CHD9: variants seen among roughly 807,000 people sequenced by gnomAD.
CHD9 encodes the protein chromodomain helicase DNA binding protein 9, also known as ATP-dependent chromatin remodeler CHD9.
Under a neutral mutation model 316.1 loss-of-function variants are expected in CHD9, and 77 were observed. That is an observed-to-expected ratio of 0.24 (90% CI 0.20 to 0.29). CHD9 has a LOEUF of 0.29. Among genes scored for constraint, CHD9 ranks in the 10% least tolerant of loss-of-function variants. The pLI is 1.00. For synonymous variants in CHD9, 1,129 were observed against 1,158.3 expected, an observed-to-expected ratio of 0.97 and a Z score of 0.51; for missense variants, 2,763 against 3,438.1, an observed-to-expected ratio of 0.80 and a Z score of 4.91.
At chr16:53,163,553 T>G (rs2042070405) in intron 2 of CHD9, among the ~76,000 whole-genome samples, 1 of 152,192 alleles carries the variant, frequency 6.6e-6, no homozygotes, top group Non-Finnish European at 1.5e-5. Context: ...ATCATATAGT[T>G]CACACTTTCT....
chr16:53,135,334 C>T (rs927953334), intron 1 of CHD9, among the ~76,000 whole-genome samples: 7 of 152,032 alleles, frequency 4.6e-5, no homozygotes, highest in African/African-American at 9.7e-5. Context: ...AGAAGTGATA[C>T]GCTTTAATCT....
intron 2 of CHD9, among the ~76,000 whole-genome samples, chr16:53,194,396 G>A (rs927009954): frequency 5.9e-5 from 9 of 151,990 alleles, no homozygotes; most frequent in Non-Finnish European, 1.0e-4. Flanking sequence ...GCAACATGGT[G>A]AAACCTTGTC....
At chr16:53,321,909 T>C (rs1419025604) in intron 38 of CHD9, among the ~76,000 whole-genome samples, 1 of 152,012 alleles carries the variant, frequency 6.6e-6, no homozygotes, top group African/African-American at 2.4e-5. Context: ...TGTAAGGATA[T>C]TCATCATGAT....
chr16:53,292,812 C>T (rs2054458314), intron 28 of CHD9, 21 bp from the exon 29 acceptor site: 1 of 1,549,246 alleles, frequency 6.5e-7, no homozygotes, highest in Non-Finnish European at 8.9e-7. Flanking sequence ...GTTATTATTA[C>T]TATTACTTAT....
At chr16:53,067,737 C>T (rs1158360332) in intron 1 of CHD9, among the ~76,000 whole-genome samples, 4 of 152,104 alleles carry the variant, frequency 2.6e-5, no homozygotes, top group Non-Finnish European at 5.9e-5. Context: ...TGACTTATTA[C>T]CAGGTGGCTA....
At chr16:53,200,048 C>G (rs1167460402) in intron 2 of CHD9, among the ~76,000 whole-genome samples, 1 of 151,746 alleles carries the variant, frequency 6.6e-6, no homozygotes, top group Non-Finnish European at 1.5e-5. Flanking sequence ...CCAGCCTGGC[C>G]AACATGGCAA....
intron 19 of CHD9, among the ~76,000 whole-genome samples, chr16:53,256,318 T>A (rs2152979509): frequency 6.6e-6 from 1 of 151,966 alleles, no homozygotes; most frequent in East Asian, 1.9e-4. Flanking sequence ...AATAACTCTA[T>A]ACTCTGTTAG....
At chr16:53,091,204 C>T (rs2035916585) in intron 1 of CHD9, among the ~76,000 whole-genome samples, 1 of 152,202 alleles carries the variant, frequency 6.6e-6, no homozygotes, top group Non-Finnish European at 1.5e-5. Context: ...AGGGAAAGGC[C>T]TTCTCCAGCA....
At chr16:53,105,298 C>G (rs2037249856) in intron 1 of CHD9, among the ~76,000 whole-genome samples, 1 of 151,884 alleles carries the variant, frequency 6.6e-6, no homozygotes, top group South Asian at 2.1e-4. Flanking sequence ...TTCTTATGGG[C>G]CTTTCCAGAG....
intron 3 of CHD9, among the ~76,000 whole-genome samples, chr16:53,210,353 G>C (rs1233398680): frequency 6.6e-6 from 1 of 150,654 alleles, no homozygotes; most frequent in Non-Finnish European, 1.5e-5. Context: ...AGTTCTTACT[G>C]ATTTACTTCC....
Position 53,103,977 on chromosome 16 carries a change from C to G in CHD9, c.-165+48900C>G, listed in dbSNP as rs375856468. Among the ~76,000 whole-genome samples the G allele has an allele frequency of 2.6e-5, 4 of 152,198 alleles. 1 individual carries two copies. The East Asian group carries it at 5.8e-4, about 22-fold the overall frequency. On this transcript the variant is annotated intron_variant, in intron 1 of 38. Transcript: ENST00000447540. ...ATTTCCTACTCCATGGCCTTCCCTT[C>G]TCGCCAAAGCATTCCTCTGTTATAA...
Position 53,301,644 on chromosome 16 carries a change from A to G in CHD9, c.5714-2076A>G, listed in dbSNP as rs549821764. Reference sequence around the variant, plus strand: ...TTTCCTGCTCCATATTGATTTTTGCATGGTCCTTGATTTTTTTTCAAATTT... The same window carrying G: ...TTTCCTGCTCCATATTGATTTTTGCGTGGTCCTTGATTTTTTTTCAAATTT... On this transcript the variant is annotated intron_variant, in intron 30 of 38. Coordinates refer to ENST00000447540, the MANE Select transcript of CHD9 (RefSeq NM_001308319.2). 1.9e-3 allele frequency among the ~76,000 whole-genome samples: 291 copies of G among 151,868 alleles called. 1 individual carries two copies. Among genetic ancestry groups the G allele is most frequent in the Middle Eastern group, 6.8e-3 (2 of 292 alleles).
chr16:53,189,033 A>G (rs2044273425), intron 2 of CHD9, among the ~76,000 whole-genome samples: 1 of 152,012 alleles, frequency 6.6e-6, no homozygotes, highest in African/African-American at 2.4e-5. Flanking sequence ...AAAGCTTGAC[A>G]TCAGATATTT....
intron 2 of CHD9, among the ~76,000 whole-genome samples, chr16:53,184,233 T>C (rs905957758): frequency 2.8e-5 from 4 of 141,410 alleles, no homozygotes; most frequent in Non-Finnish European, 6.1e-5. Context: ...CTCTGTACAG[T>C]ATTCTATTTA....
chr16:53,243,842 A>T (rs1328871736), intron 13 of CHD9, among the ~76,000 whole-genome samples: 1 of 152,200 alleles, frequency 6.6e-6, no homozygotes, highest in East Asian at 1.9e-4. Context: ...ATTTTTAATT[A>T]AGATCACATA....
chr16:53,130,061 T>C (rs1377013805), intron 1 of CHD9, among the ~76,000 whole-genome samples: 4 of 152,302 alleles, frequency 2.6e-5, no homozygotes, highest in African/African-American at 9.6e-5. Flanking sequence ...TTTATTTTTC[T>C]CTCCCTTCGT....
intron 1 of CHD9, among the ~76,000 whole-genome samples, chr16:53,074,202 A>G (rs899003816): frequency 6.6e-6 from 1 of 152,170 alleles, no homozygotes; most frequent in Non-Finnish European, 1.5e-5. Context: ...GGAACTTTGA[A>G]ATTGAGAGAG....
intron 19 of CHD9, among the ~76,000 whole-genome samples, chr16:53,257,398 C>T (rs2050698024): frequency 6.6e-6 from 1 of 152,160 alleles, no homozygotes; most frequent in African/African-American, 2.4e-5. Context: ...AAATTTAACT[C>T]TAGCAGCAGC....
At chr16:53,293,517 A>T (rs183709959) in intron 29 of CHD9, among the ~76,000 whole-genome samples, 2 of 151,964 alleles carry the variant, frequency 1.3e-5, no homozygotes, top group African/African-American at 4.8e-5. Context: ...TCGGGAGACT[A>T]AAGTGGGAGT....
Sources: gnomAD v4.1 joint callset for allele counts (sites outside exome capture counted in the v4.1 genomes callset) on GRCh38, gnomAD v4.1.1 for gene constraint, MANE v1.5 for transcripts, NCBI Gene and HGNC (gene_info 2026-07-23, HGNC 2026-07-21) for gene names.